SLC2A6: variants seen among roughly 807,000 people sequenced by gnomAD.
SLC2A6 encodes the protein solute carrier family 2 member 6, also known as solute carrier family 2, facilitated glucose transporter member 6.
In SLC2A6, 39 loss-of-function variants were observed where a neutral mutation model predicts 47.8. That is an observed-to-expected ratio of 0.82 (90% confidence interval 0.63 to 1.07). The LOEUF (loss-of-function observed/expected upper bound fraction) is 1.07. SLC2A6 is among the 50% of genes least tolerant of loss of function. The probability of loss-of-function intolerance (pLI) is 0.00; values close to 1 mark genes in which losing one functional copy is unlikely to be tolerated. For synonymous variants in SLC2A6, 346 were observed against 324.1 expected (o/e 1.07, Z -0.73); for missense variants, 650 against 707.6 (o/e 0.92, Z 0.92).
At chr9:133,476,126 C>G (rs1843939073) in intron 4 of SLC2A6, 111 bp downstream of exon 4, 1 of 868,674 alleles carries the variant, frequency 1.2e-6, no homozygotes, top group Non-Finnish European at 1.8e-6. Context: ...TCTCTTGCCT[C>G]TCAGCCCAGG....
rs1843987707 is a variant in SLC2A6 at position 133,477,148 on chromosome 9, C to G, written c.349G>C (p.Val117Leu). The change falls in exon 3 of 10, where the codon GTG (valine) becomes CTG (leucine). Residue 117 changes from valine to leucine, a missense_variant. Coordinates refer to ENST00000371899, the MANE Select transcript of SLC2A6 (RefSeq NM_017585.4). ...GRKLSIMFSA[V>L]PSAAGYALMA... ...AGCGCATAGCCGGCCGCCGACGGCA[C>G]AGCTGAGAACATGATGCTCAGCTTC... is the stretch of plus-strand genomic sequence containing the variant. The G allele has an allele frequency of 1.3e-6, 2 of 1,549,878 alleles. No homozygotes were observed. Among genetic ancestry groups the G allele is most frequent in the South Asian group, 2.4e-5 (2 of 84,036 alleles).
At chr9:133,476,395 C>T (rs781937633) in intron 3 of SLC2A6, 59 bp from the exon 4 acceptor site, 49 of 1,461,586 alleles carry the variant, frequency 3.4e-5, no homozygotes, top group Admixed American at 6.8e-5. Context: ...TAGGCCCGGC[C>T]GAGATGGGAG....
intron 9 of SLC2A6, 23 bp from the exon 10 acceptor site, chr9:133,472,199 G>A: frequency 6.2e-7 from 1 of 1,609,942 alleles, no homozygotes; most frequent in Admixed American, 1.7e-5. Context: ...AGCGGGGCCG[G>A]GTCACAGGGA....
chr9:133,475,158 A>G (rs587636491), intron 5 of SLC2A6, 45 bp from the exon 6 acceptor site: 2 of 1,485,576 alleles, frequency 1.3e-6, no homozygotes, highest in African/African-American at 1.4e-5. Flanking sequence ...CAGCCTCTCC[A>G]GCAGGCGCCA....
chr9:133,476,478 ACT>A, intron 3 of SLC2A6, 142 bp from the exon 4 acceptor site: 1 of 692,366 alleles, frequency 1.4e-6, no homozygotes, highest in Non-Finnish European at 2.6e-6. Flanking sequence ...GTCATGACTC[ACT>A]GCAAGACCTT....
chr9:133,471,617 G>A lies in SLC2A6; in HGVS notation c.*404C>T, dbSNP rs145980145. 2.9e-4 allele frequency: 48 copies of A among 167,544 alleles called. No homozygotes were observed. In the East Asian group the frequency reaches 7.4e-3, roughly 26 times the overall value. 10.4% of individuals were successfully genotyped at this position (167,544 alleles called of 1,614,324 possible). A position where few individuals can be genotyped will look rare whatever the true frequency, so the allele number is the denominator to read the frequency against. On this transcript the variant is annotated 3_prime_UTR_variant, in exon 10 of 10. Transcript: ENST00000371899. ...TTCCTTGCACAGCCAGATGCCACCA[G>A]ATCAGAGCGCGATGATATGACTACG...
chr9:133,478,836 C>A, intron 1 of SLC2A6, 132 bp downstream of exon 1: 1 of 739,666 alleles, frequency 1.4e-6, no homozygotes, highest in Non-Finnish European at 2.2e-6. Context: ...GTGTCTGGGA[C>A]AGGAGGGAGC....
In SLC2A6 at chr9:133,472,046, G is replaced by T. The variant is rs3094378; in HGVS notation, c.1499C>A (p.Thr500Lys). The T allele has an allele frequency of 5.6e-6, 9 of 1,612,828 alleles. No individual in the cohort carries two copies. The highest frequency in any genetic ancestry group is 2.2e-5 in the South Asian group (2 of 91,070). ...CTAGCGCAAGAAGGACCTTCTCCCCGTGCGGAAGAAGGACTCGATCTGCTC... is the reference window on the plus strand; with the variant it reads ...CTAGCGCAAGAAGGACCTTCTCCCCTTGCGGAAGAAGGACTCGATCTGCTC... ...SLEQIESFFR[T>K]GRRSFLR The change falls in exon 10 of 10, where the codon ACG becomes AAG. Residue 500 changes from threonine (T) to lysine (K), a missense_variant. By Grantham distance (78) the Thr-to-Lys change is moderately conservative. Transcript: ENST00000371899.
In SLC2A6 at chr9:133,471,238, G is replaced by T. The variant is rs1208552861; in HGVS notation, c.*783C>A. ...GCTTTTTTTTTTTTTTTTTTGGCAGGGGGTGGGGACGGAGTTTCACTCTCG... is the reference window on the plus strand; with the variant it reads ...GCTTTTTTTTTTTTTTTTTTGGCAGTGGGTGGGGACGGAGTTTCACTCTCG... On this transcript the variant is annotated 3_prime_UTR_variant, in exon 10 of 10. Transcript: ENST00000371899. 1 of 135,672 alleles carries T rather than the reference G, an allele frequency of 7.4e-6. No homozygotes were observed. Among genetic ancestry groups the T allele is most frequent in the South Asian group, 2.5e-4 (1 of 4,054 alleles). 8.4% of individuals were successfully genotyped at this position (135,672 alleles called of 1,614,324 possible). A position where few individuals can be genotyped will look rare whatever the true frequency, so the allele number is the denominator to read the frequency against.
rs1046292215 is a variant in SLC2A6 at position 133,471,924 on chromosome 9, G to A, written c.*97C>T. On this transcript the variant is annotated 3_prime_UTR_variant, in exon 10 of 10. Transcript: ENST00000371899. ...CTTCCTGTGCTCTGGCTGGTGGCAG[G>A]GATGACTGCTGCCTCTTGGTCCCAG... is the stretch of plus-strand genomic sequence containing the variant. 1 of 1,406,336 alleles carries A rather than the reference G, an allele frequency of 7.1e-7. No individual in the cohort carries two copies. The highest frequency in any genetic ancestry group is 9.7e-7 in the Non-Finnish European group (1 of 1,031,838). 87.1% of individuals were successfully genotyped at this position (1,406,336 alleles called of 1,614,324 possible).
rs1358306167 is a variant in SLC2A6 at position 133,473,668 on chromosome 9, T to C, written c.1037-68A>G. 4 of 1,410,644 alleles carry C rather than the reference T, an allele frequency of 2.8e-6. No homozygotes were observed. In the Admixed American group the frequency reaches 8.9e-5, roughly 31 times the overall value. 87.4% of individuals were successfully genotyped at this position (1,410,644 alleles called of 1,614,324 possible). On this transcript the variant is annotated intron_variant, in intron 7 of 9. Transcript: ENST00000371899. The stretch of plus-strand genomic sequence containing the variant: ...GCCAGCTGTTTCTCTCAGAGCTCCT[T>C]CTGCAGAGCCCCTTGATACTTGCGT...
chr9:133,475,188 G>T (rs1429314131), intron 5 of SLC2A6, 75 bp from the exon 6 acceptor site: 4 of 1,440,646 alleles, frequency 2.8e-6, no homozygotes, highest in Non-Finnish European at 2.7e-6. Flanking sequence ...GGACCGCCAG[G>T]GGTTGTGTGG....
chr9:133,476,086 G>T, intron 4 of SLC2A6, 151 bp downstream of exon 4: 1 of 640,740 alleles, frequency 1.6e-6, no homozygotes, highest in Non-Finnish European at 2.7e-6. Flanking sequence ...GCCCAGCAAG[G>T]TGCTGACTGA....
chr9:133,472,315 C>A (rs1554801866), intron 9 of SLC2A6, 139 bp from the exon 10 acceptor site: 10 of 962,098 alleles, frequency 1.0e-5, no homozygotes, highest in East Asian at 7.9e-5. Flanking sequence ...AGACCGCCCC[C>A]CCACACCAGG....
In SLC2A6 at chr9:133,473,475, C is replaced by T; in HGVS notation, c.1162G>A (p.Ala388Thr). 3 of 1,604,878 alleles carry T rather than the reference C, an allele frequency of 1.9e-6. No individual in the cohort carries two copies. The highest frequency in any genetic ancestry group is 2.5e-6 in the Non-Finnish European group (3 of 1,177,134). The change falls in exon 8 of 10, where the codon GCA (alanine) becomes ACA (threonine). Residue 388 changes from alanine (A) to threonine (T), a missense_variant. By Grantham distance (58) the Ala-to-Thr change is moderately conservative (BLOSUM62 0). Coordinates refer to ENST00000371899, the MANE Select transcript of SLC2A6 (RefSeq NM_017585.4). ...ESWGDLAQPL[A>T]APAGYLTLVP... ...AGGGTGAGGTAGCCAGCGGGTGCTGCCAGGGGCTGCGCCAAGTCCCCCCAG... is the reference window on the plus strand; with the variant it reads ...AGGGTGAGGTAGCCAGCGGGTGCTGTCAGGGGCTGCGCCAAGTCCCCCCAG...
intron 1 of SLC2A6, 130 bp downstream of exon 1, chr9:133,478,838 G>T: frequency 1.3e-6 from 1 of 752,488 alleles, no homozygotes. Flanking sequence ...GTCTGGGACA[G>T]GAGGGAGCCA....
intron 9 of SLC2A6, among the ~76,000 whole-genome samples, 161 bp downstream of exon 9, chr9:133,472,944 C>T (rs1017116539): frequency 6.6e-6 from 1 of 152,184 alleles, no homozygotes. Flanking sequence ...TATCACGTGA[C>T]CACTCTGGGG....
intron 7 of SLC2A6, 87 bp from the exon 8 acceptor site, chr9:133,473,687 C>T (rs1374325068): frequency 2.2e-6 from 3 of 1,336,806 alleles, no homozygotes; most frequent in Non-Finnish European, 3.0e-6. Flanking sequence ...CCCCTTGATA[C>T]TTGCGTGGTC....
rs1554804215 is a variant in SLC2A6, at chr9:133,479,041, C to G, written c.19G>C (p.Gly7Arg). 1 of 1,598,556 alleles carries G rather than the reference C, an allele frequency of 6.3e-7. No homozygotes were observed. The highest frequency in any genetic ancestry group is 8.5e-7 in the Non-Finnish European group (1 of 1,175,804). MQEPLLGAEGPDYDTFP... is the reference protein window; with the variant it reads MQEPLLRAEGPDYDTFP... ...GTGTCGTAGTCCGGGCCCTCGGCTC[C>G]CAGCAGCGGCTCCTGCATGGCCGGG... Residue 7 changes from glycine (G) to arginine (R), a missense_variant, in exon 1 of 10, where the codon GGA (glycine) becomes CGA (arginine). By Grantham distance (125) the Gly-to-Arg change is moderately radical. Transcript: ENST00000371899.
Sources: allele counts gnomAD v4.1 joint callset (sites outside exome capture counted in the v4.1 genomes callset), GRCh38; gene constraint gnomAD v4.1.1; transcripts MANE v1.5; gene names NCBI Gene and HGNC (gene_info 2026-07-23, HGNC 2026-07-21).